Variants in PKNOX2 observed in about 807,000 individuals in gnomAD.
PKNOX2 encodes the protein PBX/knotted 1 homeobox 2, also known as homeobox protein PKNOX2.
A neutral mutation model predicts 53.1 loss-of-function variants in PKNOX2; 14 were observed. The ratio of observed to expected loss-of-function variants is 0.26; its 90% CI spans 0.17 to 0.41. PKNOX2 has a LOEUF of 0.41. Ranked by LOEUF, PKNOX2 falls within the 10% of genes least tolerant of loss-of-function variation. The pLI is 1.00. For missense variants in PKNOX2, 496 were observed against 602.8 expected (o/e 0.82, Z 1.85); for synonymous variants, 257 against 242.8 (o/e 1.06, Z -0.54).
intron 1 of PKNOX2, among the ~76,000 whole-genome samples, chr11:125,203,301 T>G (rs1938664025): frequency 6.6e-6 from 1 of 152,136 alleles, no homozygotes; most frequent in South Asian, 2.1e-4. Flanking sequence ...CAAGACAAGG[T>G]CTCGCTATGT....
chr11:125,207,436 G>T (rs1220491328), intron 1 of PKNOX2, among the ~76,000 whole-genome samples: 1 of 152,012 alleles, frequency 6.6e-6, no homozygotes, highest in Non-Finnish European at 1.5e-5. Context: ...TGTGCAGAGC[G>T]GGAGGAGCAG....
intron 2 of PKNOX2, among the ~76,000 whole-genome samples, chr11:125,253,291 T>G (rs1291695569): frequency 6.6e-6 from 1 of 152,038 alleles, no homozygotes; most frequent in Non-Finnish European, 1.5e-5. Context: ...ATATTATCAT[T>G]TTTTCTGTCA....
intron 2 of PKNOX2, among the ~76,000 whole-genome samples, chr11:125,254,695 G>T (rs923603370): frequency 1.3e-5 from 2 of 152,160 alleles, no homozygotes; most frequent in Non-Finnish European, 2.9e-5. Flanking sequence ...CCCAGGTGCA[G>T]GTGAGTAACA....
intron 6 of PKNOX2, among the ~76,000 whole-genome samples, chr11:125,388,808 A>G (rs1953833424): frequency 6.6e-6 from 1 of 152,046 alleles, no homozygotes; most frequent in Non-Finnish European, 1.5e-5. Flanking sequence ...CAGATTGTAG[A>G]TTTCAGTGGG....
At chr11:125,194,612 C>T (rs965529099) in intron 1 of PKNOX2, among the ~76,000 whole-genome samples, 4 of 152,072 alleles carry the variant, frequency 2.6e-5, no homozygotes, top group Admixed American at 1.3e-4. Context: ...TTGGTGAGCC[C>T]CTCACTGCAG....
chr11:125,278,311 C>G (rs1454244894), intron 2 of PKNOX2, among the ~76,000 whole-genome samples: 1 of 152,032 alleles, frequency 6.6e-6, no homozygotes, highest in Non-Finnish European at 1.5e-5. Flanking sequence ...ACAAAGCTGT[C>G]CCCAACAGAA....
intron 1 of PKNOX2, among the ~76,000 whole-genome samples, chr11:125,196,804 C>T (rs1937749116): frequency 6.6e-6 from 1 of 152,172 alleles, no homozygotes; most frequent in Non-Finnish European, 1.5e-5. Context: ...CCTGTAGTGG[C>T]TACAGGGAAT....
chr11:125,242,025 G>A (rs549924301), intron 2 of PKNOX2, among the ~76,000 whole-genome samples: 1 of 151,258 alleles, frequency 6.6e-6, no homozygotes, highest in South Asian at 2.1e-4. Context: ...CGGGGAGCAG[G>A]AGACTGATTT....
At chr11:125,363,252 G>A (rs1952017675) in intron 4 of PKNOX2, among the ~76,000 whole-genome samples, 1 of 152,224 alleles carries the variant, frequency 6.6e-6, no homozygotes, top group African/African-American at 2.4e-5. Flanking sequence ...TGCAGGTGCT[G>A]GCACAATGTC....
intron 4 of PKNOX2, among the ~76,000 whole-genome samples, chr11:125,359,525 G>A (rs568502400): frequency 1.1e-4 from 17 of 152,246 alleles, no homozygotes; most frequent in African/African-American, 3.6e-4. Context: ...GGTCTGGAGC[G>A]CCCTGGACTC....
chr11:125,247,395 T>C (rs1001138250), intron 2 of PKNOX2, among the ~76,000 whole-genome samples: 4 of 152,168 alleles, frequency 2.6e-5, no homozygotes, highest in Non-Finnish European at 5.9e-5. Context: ...TGGGTTTCTA[T>C]ACTGTCTCTA....
Position 125,397,833 on chromosome 11 carries a change from G to T in PKNOX2, c.400-41G>T, listed in dbSNP as rs779068686. The T allele has an allele frequency of 4.5e-6, 7 of 1,560,818 alleles. No individual in the cohort carries two copies. The South Asian group carries it at 8.6e-5, about 19-fold the overall frequency. ...GGGGGTCCAGGCAGTGAGGGAAATG[G>T]GATGCAAACACCTGGGCTCACCTCT... On this transcript the variant is annotated intron_variant, in intron 6 of 12. Coordinates refer to ENST00000298282, the MANE Select transcript of PKNOX2 (RefSeq NM_001382323.2).
At chr11:125,168,144 C>T (rs1206752175) in intron 1 of PKNOX2, among the ~76,000 whole-genome samples, 1 of 152,192 alleles carries the variant, frequency 6.6e-6, no homozygotes, top group Non-Finnish European at 1.5e-5. Flanking sequence ...GGGGGAGGGG[C>T]TTTGCCTCGC....
intron 1 of PKNOX2, among the ~76,000 whole-genome samples, chr11:125,223,368 T>C (rs1941401884): frequency 6.6e-6 from 1 of 152,168 alleles, no homozygotes; most frequent in African/African-American, 2.4e-5. Flanking sequence ...CAGCTGGGAT[T>C]ACAGGCACCC....
intron 2 of PKNOX2, among the ~76,000 whole-genome samples, chr11:125,273,728 C>T (rs1945973912): frequency 6.6e-6 from 1 of 152,168 alleles, no homozygotes; most frequent in South Asian, 2.1e-4. Flanking sequence ...TCCTTATTGG[C>T]AAAATGAGAA....
chr11:125,251,096 C>T (rs1013593391), intron 2 of PKNOX2, among the ~76,000 whole-genome samples: 6 of 152,212 alleles, frequency 3.9e-5, no homozygotes, highest in Non-Finnish European at 5.9e-5. Context: ...CTGTAGCCCC[C>T]GAGTCATCAC....
chr11:125,212,115 G>A (rs1161773526), intron 1 of PKNOX2, among the ~76,000 whole-genome samples: 3 of 152,124 alleles, frequency 2.0e-5, no homozygotes, highest in Non-Finnish European at 4.4e-5. Flanking sequence ...AGCAAGAGGA[G>A]ACTGTCTGAA....
intron 3 of PKNOX2, among the ~76,000 whole-genome samples, chr11:125,341,432 G>A (rs182687047): frequency 7.2e-5 from 11 of 152,234 alleles, no homozygotes; most frequent in Admixed American, 4.6e-4. Context: ...TATATATTGA[G>A]GCTCCATAAG....
intron 2 of PKNOX2, among the ~76,000 whole-genome samples, chr11:125,320,978 G>C (rs1949485905): frequency 6.6e-6 from 1 of 152,172 alleles, no homozygotes; most frequent in Non-Finnish European, 1.5e-5. Context: ...ATGATATATT[G>C]TGGGGTCATC....
Sources: gnomAD v4.1 joint callset for allele counts (sites outside exome capture counted in the v4.1 genomes callset) on GRCh38, gnomAD v4.1.1 for gene constraint, MANE v1.5 for transcripts, NCBI Gene and HGNC (gene_info 2026-07-23, HGNC 2026-07-21) for gene names.